The following OCA2 variants were observed in gnomAD, a reference collection of about 807,000 sequenced individuals.
OCA2 encodes the protein P protein.
OCA2 carries 77 observed loss-of-function variants against 100.2 expected under a neutral mutation model. The observed-to-expected ratio is 0.77, with a 90% CI of 0.64 to 0.93. The LOEUF (loss-of-function observed/expected upper bound fraction) is 0.93. Ranked by LOEUF, OCA2 falls within the 40% of genes least tolerant of loss-of-function variation. The probability of loss-of-function intolerance (pLI) is 0.00; values close to 1 mark genes in which losing one functional copy is unlikely to be tolerated. For synonymous variants in OCA2, 432 were observed against 439.2 expected, an observed-to-expected ratio of 0.98 and a Z score of 0.21; for missense variants, 1,062 against 1,089.1, an observed-to-expected ratio of 0.98 and a Z score of 0.35.
At chr15:27,737,693 C>T in the OCA2 span, among the ~76,000 whole-genome samples, 3,476 of 152,284 alleles carry the variant, frequency 0.023, 74 homozygotes, top group Non-Finnish European at 0.035. Flanking sequence ...GCAAATATTC[C>T]TTACTTAGGA....
chr15:27,923,998 G>A (rs567456146), intron 19 of OCA2, among the ~76,000 whole-genome samples: 24 of 152,198 alleles, frequency 1.6e-4, no homozygotes, highest in African/African-American at 4.8e-4. Context: ...TGGGGTTTAC[G>A]TTTAAGTCTT....
chr15:27,964,199 C>G (rs1288858436), intron 15 of OCA2, among the ~76,000 whole-genome samples: 1 of 152,086 alleles, frequency 6.6e-6, no homozygotes, highest in East Asian at 1.9e-4. Flanking sequence ...AGAAATTCTT[C>G]CAAAAAATTG....
chr15:27,781,759 GTAA>G (rs920795897), intron 23 of OCA2, among the ~76,000 whole-genome samples: 30 of 152,262 alleles, frequency 2.0e-4, no homozygotes, highest in African/African-American at 7.2e-4. Flanking sequence ...CCATATTAGA[GTAA>G]AATGATTTTG....
At chr15:27,905,697 C>T (rs550895450) in intron 19 of OCA2, among the ~76,000 whole-genome samples, 1 of 152,322 alleles carries the variant, frequency 6.6e-6, no homozygotes, top group Non-Finnish European at 1.5e-5. Flanking sequence ...CTGTGCTCTG[C>T]CCGCAGAAGA....
At chr15:27,921,966 T>C (rs2140339080) in intron 19 of OCA2, among the ~76,000 whole-genome samples, 1 of 152,358 alleles carries the variant, frequency 6.6e-6, no homozygotes, top group African/African-American at 2.4e-5. Context: ...TCTTATACAC[T>C]GTATTCTTAC....
At chr15:27,910,046 T>C (rs753295589) in intron 19 of OCA2, among the ~76,000 whole-genome samples, 15 of 151,746 alleles carry the variant, frequency 9.9e-5, no homozygotes, top group Non-Finnish European at 1.9e-4. Flanking sequence ...AACAGGACAC[T>C]GACATGAATG....
chr15:28,069,022 G>C (rs2044110213), intron 2 of OCA2, among the ~76,000 whole-genome samples: 1 of 152,106 alleles, frequency 6.6e-6, no homozygotes, highest in Non-Finnish European at 1.5e-5. Flanking sequence ...TTCCCCTTGA[G>C]AGCTGGAACA....
At chr15:28,036,284 TTCCTTAGG>T (rs538701529) in intron 2 of OCA2, among the ~76,000 whole-genome samples, 100 of 152,266 alleles carry the variant, frequency 6.6e-4, no homozygotes, top group African/African-American at 2.2e-3. Context: ...CTTTAATTAT[TTCCTTAGG>T]ATAGATTCCT....
At chr15:27,865,378 T>C (rs1212224926) in intron 21 of OCA2, among the ~76,000 whole-genome samples, 1 of 152,170 alleles carries the variant, frequency 6.6e-6, no homozygotes, top group Admixed American at 6.5e-5. Flanking sequence ...CCTGTTGACC[T>C]GGCCAATGAC....
chr15:27,839,596 G>A (rs931316263), intron 23 of OCA2, among the ~76,000 whole-genome samples: 1 of 152,146 alleles, frequency 6.6e-6, no homozygotes, highest in Non-Finnish European at 1.5e-5. Context: ...AAAAGCCTCC[G>A]ACTCACAGTA....
At chr15:27,997,037 G>GAGAAAGAA (rs1555370239) in intron 9 of OCA2, among the ~76,000 whole-genome samples, 8 of 141,720 alleles carry the variant, frequency 5.6e-5, no homozygotes, top group Admixed American at 1.5e-4. Flanking sequence ...AAGAGAGAGA[G>GAGAAAGAA]AGAGAAAGAA....
chr15:27,906,303 C>G (rs2038174645), intron 19 of OCA2, among the ~76,000 whole-genome samples: 1 of 151,972 alleles, frequency 6.6e-6, no homozygotes, highest in Non-Finnish European at 1.5e-5. Context: ...AAATATGCAA[C>G]AACTATTATG....
intron 18 of OCA2, among the ~76,000 whole-genome samples, chr15:27,935,822 T>C (rs1398738643): frequency 1.3e-5 from 2 of 152,234 alleles, no homozygotes; most frequent in African/African-American, 4.8e-5. Context: ...TCATCTTTTA[T>C]AAAAGATATA....
intron 10 of OCA2, 98 bp from the exon 11 acceptor site, chr15:27,989,764 G>A: frequency 9.3e-7 from 1 of 1,072,952 alleles, no homozygotes; most frequent in Non-Finnish European, 1.4e-6. Flanking sequence ...CCACTCAGTG[G>A]GCGGGCCAGG....
intron 19 of OCA2, among the ~76,000 whole-genome samples, chr15:27,906,957 C>T (rs956083688): frequency 1.3e-5 from 2 of 152,068 alleles, no homozygotes; most frequent in South Asian, 4.1e-4. Flanking sequence ...GAGTGGGAGG[C>T]GCCAGGCTCT....
At chr15:27,954,869 G>T (rs2040165780) in intron 17 of OCA2, among the ~76,000 whole-genome samples, 1 of 152,216 alleles carries the variant, frequency 6.6e-6, no homozygotes, top group African/African-American at 2.4e-5. Flanking sequence ...AGGGCCAGGA[G>T]CGGGCTGGTG....
intron 19 of OCA2, among the ~76,000 whole-genome samples, chr15:27,879,223 T>C (rs1266295747): frequency 6.6e-6 from 1 of 152,224 alleles, no homozygotes; most frequent in Non-Finnish European, 1.5e-5. Context: ...GCATGTTGTA[T>C]ATGTACCACA....
At chr15:28,059,717 G>C (rs2043813390) in intron 2 of OCA2, among the ~76,000 whole-genome samples, 1 of 152,142 alleles carries the variant, frequency 6.6e-6, no homozygotes, top group African/African-American at 2.4e-5. Context: ...GACCCAAAAA[G>C]GGAAGAGCAA....
At chr15:27,935,313 A>G (rs2039413593) in intron 18 of OCA2, among the ~76,000 whole-genome samples, 2 of 152,132 alleles carry the variant, frequency 1.3e-5, no homozygotes, top group Admixed American at 6.5e-5. Flanking sequence ...TCTCACCAAG[A>G]GCTTTGCCAT....
Sources: gnomAD v4.1 joint callset for allele counts (sites outside exome capture counted in the v4.1 genomes callset) on GRCh38, gnomAD v4.1.1 for gene constraint, MANE v1.5 for transcripts, NCBI Gene and HGNC (gene_info 2026-07-23, HGNC 2026-07-21) for gene names.